The following PXK variants were observed in gnomAD, a reference collection of about 807,000 sequenced individuals.
PXK encodes PX domain-containing protein kinase-like protein.
In PXK, 35 loss-of-function variants were observed where a neutral mutation model predicts 84.7. That is an observed-to-expected ratio of 0.41 (90% CI 0.32 to 0.55). The LOEUF is 0.55. Ranked by LOEUF, PXK falls within the 20% of genes least tolerant of loss-of-function variation. PXK has a pLI of 0.21. For synonymous variants in PXK, 253 were observed against 260.8 expected (o/e 0.97, Z 0.29); for missense variants, 634 against 699.7 (o/e 0.91, Z 1.06).
In PXK at chr3:58,416,789, A is replaced by G. The variant is rs1412107656; in HGVS notation, c.1528+3826A>G. 6.6e-6 allele frequency among the ~76,000 whole-genome samples: 1 copy of G among 151,662 alleles called. No individual in the cohort carries two copies. Among genetic ancestry groups the G allele is most frequent in the Non-Finnish European group, 1.5e-5 (1 of 67,932 alleles). On this transcript the variant is annotated intron_variant, in intron 17 of 17. Coordinates refer to ENST00000356151, the MANE Select transcript of PXK (RefSeq NM_017771.5). This position sits in a 1 kb window ranked among gnomAD's most constrained non-coding sequence, Gnocchi z 4.8. The stretch of plus-strand genomic sequence containing the variant: ...GCACTCACCACCACGCTTGGCTAAT[A>G]TTTTTGTATTTTTGATAGAGATGGG...
At chr3:58,376,751 T>C (rs2098446660) in intron 3 of PXK, among the ~76,000 whole-genome samples, 1 of 152,084 alleles carries the variant, frequency 6.6e-6, no homozygotes, top group Non-Finnish European at 1.5e-5. Flanking sequence ...GCGATTCTTG[T>C]GCCTCAGCCT....
chr3:58,422,558 C>A (rs1231568191), intron 17 of PXK: 2 of 985,236 alleles, frequency 2.0e-6, no homozygotes, highest in East Asian at 2.3e-4. Flanking sequence ...AGTGGAAAAT[C>A]CATGTCCATT....
chr3:58,395,889 A>C (rs937164578), intron 9 of PXK, 130 bp downstream of exon 9: 1 of 669,890 alleles, frequency 1.5e-6, no homozygotes, highest in East Asian at 3.1e-5. Context: ...TTGCATTGTC[A>C]TATTTTGCCT....
intron 3 of PXK, among the ~76,000 whole-genome samples, chr3:58,372,386 G>C (rs956881526): frequency 6.6e-6 from 1 of 151,798 alleles, no homozygotes; most frequent in Non-Finnish European, 1.5e-5. Flanking sequence ...GCAGTGGCGC[G>C]ATCTTGGCTG....
intron 1 of PXK, among the ~76,000 whole-genome samples, chr3:58,335,018 G>GGTGT (rs375780661): frequency 0.035 from 3,740 of 106,376 alleles, 59 homozygotes; most frequent in African/African-American, 0.057. Flanking sequence ...TGTCCAGGCT[G>GGTGT]GTGTGTGTGT....
rs1235022233 is a variant in PXK at position 58,411,702 on chromosome 3, G to A, written c.1466-1199G>A. Reference sequence around the variant, plus strand: ...CTTCAGGATACCCCAGTGCCCTCAGGAGTTTAGGAAAATGAAGTAGCAGTT... The same window carrying A: ...CTTCAGGATACCCCAGTGCCCTCAGAAGTTTAGGAAAATGAAGTAGCAGTT... On this transcript the variant is annotated intron_variant, in intron 16 of 17. Coordinates refer to ENST00000356151, the MANE Select transcript of PXK (RefSeq NM_017771.5). This position sits in a 1 kb window ranked among gnomAD's most constrained non-coding sequence, Gnocchi z 4.2. Among the ~76,000 whole-genome samples the A allele has an allele frequency of 6.6e-6, 1 of 152,154 alleles. No individual in the cohort carries two copies. Among genetic ancestry groups the A allele is most frequent in the East Asian group, 1.9e-4 (1 of 5,184 alleles).
rs765536875 is a variant in PXK at position 58,409,607 on chromosome 3, T to G, written c.1384T>G (p.Leu462Val). 3 of 1,611,894 alleles carry G rather than the reference T, an allele frequency of 1.9e-6. No individual in the cohort carries two copies. The African/African-American group carries it at 4.0e-5, about 22-fold the overall frequency. Residue 462 changes from leucine (L) to valine (V), a missense_variant, in exon 15 of 18, where the codon TTA becomes GTA. Physicochemically the swap from Leu to Val is conservative, Grantham distance 32 (BLOSUM62 1). Transcript: ENST00000356151. The surrounding 1 kb of genome is among the most constrained non-coding windows in gnomAD (Gnocchi z 4.2). ...GGAGGAAAGAAAAAAAAGAAAGATTTTAGCTCGAAAGGTAAGCCTGCTGTC... is the reference window on the plus strand; with the variant it reads ...GGAGGAAAGAAAAAAAAGAAAGATTGTAGCTCGAAAGGTAAGCCTGCTGTC... Reference protein sequence around the residue: ...SEEERKKRKILARKKSKRSAL... With the variant: ...SEEERKKRKIVARKKSKRSAL...
chr3:58,338,632 A>C (rs2097668379), intron 1 of PXK, among the ~76,000 whole-genome samples: 2 of 152,038 alleles, frequency 1.3e-5, no homozygotes, highest in Non-Finnish European at 2.9e-5. Context: ...TAAAAAAAAA[A>C]ATTCTTTTAA....
chr3:58,375,447 G>A (rs1348595228), intron 3 of PXK, among the ~76,000 whole-genome samples: 3 of 152,118 alleles, frequency 2.0e-5, no homozygotes, highest in Non-Finnish European at 4.4e-5. Flanking sequence ...CAGTTGGTGT[G>A]AGTCCTCCCA....
intron 3 of PXK, among the ~76,000 whole-genome samples, chr3:58,381,726 G>A (rs2098505250): frequency 6.6e-6 from 1 of 152,122 alleles, no homozygotes; most frequent in Non-Finnish European, 1.5e-5. Flanking sequence ...GATGAGGTTA[G>A]GATTGTGAAA....
intron 1 of PXK, among the ~76,000 whole-genome samples, chr3:58,353,240 G>A (rs867002545): frequency 9.2e-5 from 14 of 152,134 alleles, no homozygotes; most frequent in African/African-American, 3.4e-4. Context: ...CTCGTGATCC[G>A]CCCGCCTCGG....
chr3:58,397,313 C>G lies in PXK; in HGVS notation c.984+113C>G. The stretch of plus-strand genomic sequence containing the variant: ...TAGTGAAAGGTATAGTTGGGACAGG[C>G]CTTGCCCGTCAGCCCTTGCAGCGTT... On this transcript the variant is annotated intron_variant, in intron 10 of 17. Transcript: ENST00000356151. The surrounding 1 kb of genome is among the most constrained non-coding windows in gnomAD (Gnocchi z 4.7). 2.3e-6 allele frequency: 3 copies of G among 1,288,050 alleles called. No individual in the cohort carries two copies. The highest frequency in any genetic ancestry group is 3.3e-6 in the Non-Finnish European group (3 of 916,744). 79.8% of individuals were successfully genotyped at this position (1,288,050 alleles called of 1,614,324 possible). A position where few individuals can be genotyped will look rare whatever the true frequency, so the allele number is the denominator to read the frequency against.
At chr3:58,395,164 A>G in intron 8 of PXK, 62 bp downstream of exon 8, 1 of 1,238,368 alleles carries the variant, frequency 8.1e-7, no homozygotes, top group East Asian at 2.4e-5. Context: ...TGTTATTGAT[A>G]CTTAGTCTCT....
At chr3:58,393,929 C>G (rs1176284518) in intron 7 of PXK, among the ~76,000 whole-genome samples, 1 of 152,090 alleles carries the variant, frequency 6.6e-6, no homozygotes, top group Non-Finnish European at 1.5e-5. Flanking sequence ...TTATTCTACC[C>G]ATTGTGTTTC....
rs2098547464 is a variant in PXK, at chr3:58,385,983, C to T, written c.388+3283C>T. Among the ~76,000 whole-genome samples the T allele has an allele frequency of 3.3e-5, 5 of 152,250 alleles. No homozygotes were observed. The South Asian group carries it at 1.0e-3, about 32-fold the overall frequency. The stretch of plus-strand genomic sequence containing the variant: ...GTGAGGGTGTCTTGTTGGAGGGGGA[C>T]TGTGATGGCATTCTGCTCCCAGGGG... On this transcript the variant is annotated intron_variant, in intron 4 of 17. Transcript: ENST00000356151. This position sits in a 1 kb window ranked among gnomAD's most constrained non-coding sequence, Gnocchi z 5.1.
At chr3:58,413,340 C>T (rs184076227) in intron 17 of PXK, 5 of 242,348 alleles carry the variant, frequency 2.1e-5, no homozygotes, top group East Asian at 2.1e-4. Flanking sequence ...TCAGGGAGCC[C>T]GTCCATAGGG....
intron 1 of PXK, among the ~76,000 whole-genome samples, chr3:58,335,789 A>G (rs1313483578): frequency 6.6e-6 from 1 of 151,898 alleles, no homozygotes; most frequent in Non-Finnish European, 1.5e-5. Context: ...ACCTTTTTGA[A>G]GTTTAGTTTT....
rs2060431126 is a variant in PXK at position 58,412,989 on chromosome 3, C to T, written c.1528+26C>T. ...GTTAGTGATGGAGTAAAGTGACATGCCACCTTCCTGTCCGCCAACAGGAGG... is the reference window on the plus strand; with the variant it reads ...GTTAGTGATGGAGTAAAGTGACATGTCACCTTCCTGTCCGCCAACAGGAGG... On this transcript the variant is annotated intron_variant, in intron 17 of 17. Transcript: ENST00000356151. The surrounding 1 kb of genome is among the most constrained non-coding windows in gnomAD (Gnocchi z 6.2). 6.2e-7 allele frequency: 1 copy of T among 1,611,338 alleles called. No homozygotes were observed. Among genetic ancestry groups the T allele is most frequent in the South Asian group, 1.1e-5 (1 of 91,028 alleles).
At position 58,383,445 on chromosome 3, in the gene PXK, G is replaced by T. The variant is rs540276261; in HGVS notation, c.388+745G>T. 7.9e-5 allele frequency among the ~76,000 whole-genome samples: 12 copies of T among 152,236 alleles called. No homozygotes were observed. Among genetic ancestry groups the T allele is most frequent in the African/African-American group, 2.6e-4 (11 of 41,556 alleles). ...GTATTTACAATATGTTGTGTGTTCT[G>T]TTTTTTCTGGGAATTTACTTTAAAC... On this transcript the variant is annotated intron_variant, in intron 4 of 17. Coordinates refer to ENST00000356151, the MANE Select transcript of PXK (RefSeq NM_017771.5). This position sits in a 1 kb window ranked among gnomAD's most constrained non-coding sequence, Gnocchi z 4.0.
Sources: allele counts gnomAD v4.1 joint callset (sites outside exome capture counted in the v4.1 genomes callset), GRCh38; gene constraint gnomAD v4.1.1; non-coding constraint Gnocchi (gnomAD v3.1); transcripts MANE v1.5; gene names NCBI Gene and HGNC (gene_info 2026-07-23, HGNC 2026-07-21).